The following ACSL1 variants were observed in gnomAD, a reference collection of about 807,000 sequenced individuals.
ACSL1 encodes the protein long-chain-fatty-acid--CoA ligase 1.
A neutral mutation model predicts 98.4 loss-of-function variants in ACSL1; 41 were observed. That is an observed-to-expected ratio of 0.42 (90% CI 0.32 to 0.54). The LOEUF is 0.54. Ranked by LOEUF, ACSL1 falls within the 20% of genes least tolerant of loss-of-function variation. The pLI, the probability that ACSL1 is intolerant of heterozygous loss-of-function variation, is 0.13. For missense variants in ACSL1, 734 were observed against 883.1 expected (o/e 0.83, Z 2.14); for synonymous variants, 316 against 322.7 (o/e 0.98, Z 0.22).
chr4:184,772,282 CA>C (rs1764629567), intron 10 of ACSL1, among the ~76,000 whole-genome samples: 1 of 152,124 alleles, frequency 6.6e-6, no homozygotes, highest in South Asian at 2.1e-4. Flanking sequence ...CAAGATCCCT[CA>C]AAGATCAGTT....
rs1228732572 is a variant in ACSL1, at chr4:184,770,425, C to T, written c.967G>A (p.Ala323Thr). The T allele has an allele frequency of 2.5e-6, 4 of 1,613,446 alleles. No homozygotes were observed. Among genetic ancestry groups the T allele is most frequent in the South Asian group, 1.1e-5 (1 of 91,074 alleles). ...TCTACAACTCTCTCAAACATATGGGCGAGAGGCAAGAAAGATATCAAAGTA... is the reference window on the plus strand; with the variant it reads ...TCTACAACTCTCTCAAACATATGGGTGAGAGGCAAGAAAGATATCAAAGTA... ...DDTLISFLPL[A>T]HMFERVVECV... Residue 323 changes from alanine to threonine, a missense_variant, in exon 11 of 21, where the codon GCC becomes ACC. Transcript: ENST00000281455.
At chr4:184,798,549 G>A in intron 2 of ACSL1, 1 of 183,396 alleles carries the variant, frequency 5.5e-6, no homozygotes, top group Non-Finnish European at 1.2e-5. Flanking sequence ...CCACTTGCAT[G>A]GGGCTCATCA....
chr4:184,824,057 C>T (rs1200843914), intron 1 of ACSL1, among the ~76,000 whole-genome samples: 1 of 152,108 alleles, frequency 6.6e-6, no homozygotes, highest in Non-Finnish European at 1.5e-5. Context: ...AAAAATACTG[C>T]CAAAATAGGA....
intron 10 of ACSL1, among the ~76,000 whole-genome samples, chr4:184,771,646 A>G (rs1052167867): frequency 2.0e-5 from 3 of 152,192 alleles, no homozygotes; most frequent in Non-Finnish European, 2.9e-5. Context: ...TTATTAACAT[A>G]AAGAATTCTG....
chr4:184,809,280 A>G (rs111292785), intron 1 of ACSL1, among the ~76,000 whole-genome samples: 3 of 152,346 alleles, frequency 2.0e-5, no homozygotes, highest in African/African-American at 7.2e-5. Context: ...ACTGTTAACC[A>G]GTAAAATGAG....
chr4:184,808,244 C>T, intron 1 of ACSL1: 2 of 781,036 alleles, frequency 2.6e-6, no homozygotes, highest in Non-Finnish European at 3.1e-6. Flanking sequence ...CAAACATACA[C>T]ACACACACAC....
chr4:184,811,172 G>A (rs527661556), intron 1 of ACSL1, among the ~76,000 whole-genome samples: 1 of 150,354 alleles, frequency 6.7e-6, no homozygotes, highest in East Asian at 1.9e-4. Context: ...GCAGTGGTGT[G>A]ATCTCGGCTC....
chr4:184,794,210 A>G (rs1272499065), intron 2 of ACSL1, among the ~76,000 whole-genome samples: 1 of 152,242 alleles, frequency 6.6e-6, no homozygotes, highest in Non-Finnish European at 1.5e-5. Context: ...GTAAAGACAC[A>G]AAACTACTTT....
chr4:184,761,864 C>T (rs532393744), intron 17 of ACSL1, among the ~76,000 whole-genome samples: 6 of 152,300 alleles, frequency 3.9e-5, no homozygotes, highest in Admixed American at 6.5e-5. Flanking sequence ...TGGTGGCTCA[C>T]GCCTGTAATC....
intron 1 of ACSL1, among the ~76,000 whole-genome samples, chr4:184,807,851 A>C (rs1771627865): frequency 6.6e-6 from 1 of 152,190 alleles, no homozygotes; most frequent in Non-Finnish European, 1.5e-5. Flanking sequence ...ACACCAACCA[A>C]TGTGACTCTA....
At chr4:184,802,392 T>C (rs1770678651) in intron 2 of ACSL1, among the ~76,000 whole-genome samples, 1 of 152,130 alleles carries the variant, frequency 6.6e-6, no homozygotes, top group African/African-American at 2.4e-5. Flanking sequence ...TTCCATCTCT[T>C]ACATCTGGAA....
rs200209968 is a variant in ACSL1, at chr4:184,762,474, G to C, written c.1571C>G (p.Ala524Gly). The change falls in exon 17 of 21, where the codon GCG (alanine) becomes GGG (glycine). Residue 524 changes from alanine to glycine, a missense_variant. Coordinates refer to ENST00000281455, the MANE Select transcript of ACSL1 (RefSeq NM_001995.5). The stretch of plus-strand genomic sequence containing the variant: ...TTTGTCCAAAGCTTCTGCTGTTTTC[G>C]CTGGGTCCTTCAAGTAGCCCTGAAA... ...NVFQGYLKDPAKTAEALDKDG... is the reference protein window; with the variant it reads ...NVFQGYLKDPGKTAEALDKDG... The C allele has an allele frequency of 3.7e-6, 6 of 1,614,040 alleles. No homozygotes were observed. The Admixed American group carries it at 6.7e-5, about 18-fold the overall frequency.
intron 1 of ACSL1, among the ~76,000 whole-genome samples, chr4:184,818,816 A>T (rs1031772955): frequency 2.6e-4 from 39 of 152,182 alleles, no homozygotes; most frequent in African/African-American, 9.2e-4. Context: ...CAGTACGGCC[A>T]GACACCAACC....
intron 17 of ACSL1, among the ~76,000 whole-genome samples, chr4:184,761,588 A>C (rs1332798010): frequency 2.0e-5 from 3 of 152,170 alleles, no homozygotes; most frequent in Non-Finnish European, 1.5e-5. Context: ...CTGAGACTAC[A>C]TTCAACTAAA....
chr4:184,806,241 A>G (rs1771409202), intron 1 of ACSL1, among the ~76,000 whole-genome samples: 1 of 152,224 alleles, frequency 6.6e-6, no homozygotes, highest in African/African-American at 2.4e-5. Context: ...CAGGCGGGAT[A>G]AGCAGACAAA....
chr4:184,794,552 G>C (rs1327500410), intron 2 of ACSL1, among the ~76,000 whole-genome samples: 4 of 152,138 alleles, frequency 2.6e-5, no homozygotes, highest in Non-Finnish European at 4.4e-5. Context: ...AAAGATGGGA[G>C]GTGAGTGAAT....
At position 184,786,418 on chromosome 4, in the gene ACSL1, G is replaced by GCACACA. The variant is rs61564967; in HGVS notation, c.310+2193_310+2198dup. Among the ~76,000 whole-genome samples the GCACACA allele has an allele frequency of 4.7e-3, 647 of 138,932 alleles. 7 individuals are homozygous for GCACACA. The highest frequency in any genetic ancestry group is 0.016 in the African/African-American group (623 of 38,632). The allele number at this position is 138,932 out of a possible 152,430, so 91.1% of individuals were successfully genotyped here. A position where few individuals can be genotyped will look rare whatever the true frequency, so the allele number is the denominator to read the frequency against. On this transcript the variant is annotated intron_variant, in intron 3 of 20. Transcript: ENST00000281455. ...ATATGTGCTCTGTGGTGGTGGCAAA[G>GCACACA]CACACACACACACACACACACACAC...
At chr4:184,788,351 T>C in intron 3 of ACSL1, 1 of 560,650 alleles carries the variant, frequency 1.8e-6, no homozygotes, top group Non-Finnish European at 3.4e-6. Flanking sequence ...TCAGAGCCTA[T>C]TGTGCACTGG....
chr4:184,783,811 C>T, intron 4 of ACSL1, 116 bp downstream of exon 4: 2 of 950,030 alleles, frequency 2.1e-6, no homozygotes, highest in East Asian at 4.9e-5. Context: ...TACGGCAAGG[C>T]TCTGAGCTGG....
Sources: allele counts gnomAD v4.1 joint callset (sites outside exome capture counted in the v4.1 genomes callset), GRCh38; gene constraint gnomAD v4.1.1; transcripts MANE v1.5; gene names NCBI Gene and HGNC (gene_info 2026-07-23, HGNC 2026-07-21).